Variants in KCNK9 observed in about 807,000 individuals in gnomAD.
KCNK9 encodes potassium channel subfamily K member 9.
In KCNK9, 1 loss-of-function variant was observed where a neutral mutation model predicts 10.8. The ratio of observed to expected loss-of-function variants is 0.09; its 90% CI spans 0.03 to 0.44. The LOEUF is 0.44. Ranked by LOEUF, KCNK9 falls within the 20% of genes least tolerant of loss-of-function variation. KCNK9 has a pLI of 0.97. For synonymous variants in KCNK9, 231 were observed against 222.7 expected (o/e 1.04, Z -0.33); for missense variants, 303 against 515.0 (o/e 0.59, Z 3.98).
In KCNK9 at chr8:139,643,846, G is replaced by A. The variant is rs142195253; in HGVS notation, c.284-24747C>T. Reference sequence around the variant, plus strand: ...CCGCCACCTTCAGGTAGGCCCGCAGGTTCAGCTGAGCCACAGCCCCCAGCC... The same window carrying A: ...CCGCCACCTTCAGGTAGGCCCGCAGATTCAGCTGAGCCACAGCCCCCAGCC... On this transcript the variant is annotated intron_variant, in intron 1 of 1. Coordinates refer to ENST00000520439, the MANE Select transcript of KCNK9 (RefSeq NM_001282534.2). 3.7e-3 allele frequency among the ~76,000 whole-genome samples: 564 copies of A among 152,298 alleles called. 4 individuals are homozygous for A. Among genetic ancestry groups the A allele is most frequent in the African/African-American group, 0.013 (539 of 41,556 alleles).
chr8:139,639,036 C>T lies in KCNK9; in HGVS notation c.284-19937G>A, dbSNP rs1480466646. ...ATCCCACCCTCCCCCAGGCCCACAC[C>T]GCCAGGCCGTAGCCAACCCCTGTGC... On this transcript the variant is annotated intron_variant, in intron 1 of 1. Coordinates refer to ENST00000520439, the MANE Select transcript of KCNK9 (RefSeq NM_001282534.2). Among the ~76,000 whole-genome samples the T allele has an allele frequency of 4.6e-5, 7 of 152,076 alleles. No homozygotes were observed. The South Asian group carries it at 6.2e-4, about 14-fold the overall frequency.
intron 1 of KCNK9, among the ~76,000 whole-genome samples, chr8:139,659,302 G>T (rs1352378976): frequency 2.0e-5 from 3 of 152,196 alleles, no homozygotes; most frequent in Non-Finnish European, 4.4e-5. Context: ...TACAAGAGCT[G>T]CCTTCAAATA....
chr8:139,675,856 G>A (rs999313364), intron 1 of KCNK9, among the ~76,000 whole-genome samples: 1 of 152,122 alleles, frequency 6.6e-6, no homozygotes, highest in South Asian at 2.1e-4. Flanking sequence ...CATAAACCTG[G>A]TGCAATTTCC....
chr8:139,610,342 C>G (rs1350374969), downstream of KCNK9, among the ~76,000 whole-genome samples: 1 of 152,216 alleles, frequency 6.6e-6, no homozygotes, highest in Admixed American at 6.5e-5. Flanking sequence ...CCAGAGGGCA[C>G]AGATGCAGGG....
intron 1 of KCNK9, among the ~76,000 whole-genome samples, chr8:139,675,643 C>T (rs1816532172): frequency 6.6e-6 from 1 of 152,140 alleles, no homozygotes; most frequent in African/African-American, 2.4e-5. Flanking sequence ...TTCTGAGCTC[C>T]CCAGCCTGTG....
chr8:139,627,687 C>T (rs1004242965), intron 1 of KCNK9, among the ~76,000 whole-genome samples: 3 of 152,260 alleles, frequency 2.0e-5, no homozygotes, highest in African/African-American at 4.8e-5. Context: ...AAGTGATTAA[C>T]ACCCAACCTG....
chr8:139,681,416 G>A (rs1349160119), intron 1 of KCNK9, among the ~76,000 whole-genome samples: 1 of 152,248 alleles, frequency 6.6e-6, no homozygotes, highest in Non-Finnish European at 1.5e-5. Flanking sequence ...ACCATGTCAA[G>A]GCACCAGCAG....
chr8:139,666,947 C>G (rs899660039), intron 1 of KCNK9, among the ~76,000 whole-genome samples: 9 of 152,262 alleles, frequency 5.9e-5, no homozygotes, highest in African/African-American at 2.2e-4. Flanking sequence ...TGCCATTCCT[C>G]CTGCAATGCC....
chr8:139,638,213 A>G (rs1205006112), intron 1 of KCNK9, among the ~76,000 whole-genome samples: 1 of 152,066 alleles, frequency 6.6e-6, no homozygotes, highest in East Asian at 1.9e-4. Flanking sequence ...GAACGTGGGA[A>G]GACATGACAT....
intron 1 of KCNK9, among the ~76,000 whole-genome samples, chr8:139,649,170 C>T (rs1815779573): frequency 6.6e-6 from 1 of 152,208 alleles, no homozygotes; most frequent in South Asian, 2.1e-4. Context: ...TGCTCACTTT[C>T]ACTGAAGATG....
At chr8:139,628,764 T>C (rs981261532) in intron 1 of KCNK9, among the ~76,000 whole-genome samples, 4 of 152,242 alleles carry the variant, frequency 2.6e-5, no homozygotes, top group Admixed American at 6.5e-5. Context: ...ATATAAAATA[T>C]ATTTCTAAAA....
chr8:139,687,206 T>C (rs1056733554), intron 1 of KCNK9, among the ~76,000 whole-genome samples: 1 of 151,794 alleles, frequency 6.6e-6, no homozygotes, highest in Admixed American at 6.6e-5. Context: ...TTTCATCCTC[T>C]TCTATGCAAC....
At chr8:139,663,693 G>T (rs1055942103) in intron 1 of KCNK9, among the ~76,000 whole-genome samples, 4 of 150,380 alleles carry the variant, frequency 2.7e-5, no homozygotes, top group Non-Finnish European at 4.4e-5. Flanking sequence ...TAGAGAGAGA[G>T]ATAGAGAGAG....
At chr8:139,685,016 C>T (rs1816760908) in intron 1 of KCNK9, among the ~76,000 whole-genome samples, 3 of 152,124 alleles carry the variant, frequency 2.0e-5, no homozygotes, top group Admixed American at 2.0e-4. Flanking sequence ...GCTGATTGAG[C>T]CAGGAATCAC....
intron 1 of KCNK9, among the ~76,000 whole-genome samples, chr8:139,667,660 C>T (rs562513365): frequency 5.0e-4 from 76 of 152,284 alleles, no homozygotes; most frequent in African/African-American, 1.7e-3. Flanking sequence ...CGTGCCACCG[C>T]ACTCCAACCT....
chr8:139,640,262 G>A (rs1815463160), intron 1 of KCNK9, among the ~76,000 whole-genome samples: 1 of 152,226 alleles, frequency 6.6e-6, no homozygotes, highest in Non-Finnish European at 1.5e-5. Context: ...CACATCAGCG[G>A]CAGGGCTTGT....
At chr8:139,609,154 A>G (rs570587740), downstream of KCNK9, among the ~76,000 whole-genome samples, 3 of 123,406 alleles carry the variant, frequency 2.4e-5, no homozygotes, top group Admixed American at 3.1e-4. Flanking sequence ...ACCTGGAAAT[A>G]TGCAGTCAGG....
At chr8:139,684,048 A>G (rs1394247360) in intron 1 of KCNK9, among the ~76,000 whole-genome samples, 1 of 152,216 alleles carries the variant, frequency 6.6e-6, no homozygotes, top group Non-Finnish European at 1.5e-5. Flanking sequence ...AGGAAGACAA[A>G]GCCAAAAAGT....
chr8:139,672,954 G>A (rs910640445), intron 1 of KCNK9, among the ~76,000 whole-genome samples: 1 of 152,226 alleles, frequency 6.6e-6, no homozygotes, highest in Non-Finnish European at 1.5e-5. Context: ...ATGTTGGGGA[G>A]CAGCCAGTGG....
Sources: gnomAD v4.1 joint callset for allele counts (sites outside exome capture counted in the v4.1 genomes callset) on GRCh38, gnomAD v4.1.1 for gene constraint, MANE v1.5 for transcripts, NCBI Gene and HGNC (gene_info 2026-07-23, HGNC 2026-07-21) for gene names.